Variants in GPC6 observed in about 807,000 individuals in gnomAD.
The protein encoded by GPC6 is glypican-6.
Under a neutral mutation model 55.2 loss-of-function variants are expected in GPC6, and 14 were observed. That is an observed-to-expected ratio of 0.25 (90% confidence interval 0.17 to 0.40). GPC6 has a LOEUF of 0.40. Ranked by LOEUF, GPC6 falls within the 10% of genes least tolerant of loss-of-function variation. The probability of loss-of-function intolerance (pLI) is 1.00; values close to 1 mark genes in which losing one functional copy is unlikely to be tolerated. For missense variants in GPC6, 641 were observed against 708.5 expected (o/e 0.90, Z 1.08); for synonymous variants, 278 against 259.6 (o/e 1.07, Z -0.68).
At chr13:93,597,894 C>G (rs557359737) in intron 2 of GPC6, among the ~76,000 whole-genome samples, 2 of 152,152 alleles carry the variant, frequency 1.3e-5, no homozygotes, top group African/African-American at 4.8e-5. Context: ...ACCTGTAATC[C>G]AAGCACTTTG....
At chr13:93,898,886 A>T (rs1278945845) in intron 3 of GPC6, among the ~76,000 whole-genome samples, 3 of 150,090 alleles carry the variant, frequency 2.0e-5, no homozygotes, top group African/African-American at 7.3e-5. Flanking sequence ...TGAACACTAC[A>T]CTTTAACATT....
chr13:94,143,951 C>T (rs576440205), intron 4 of GPC6, among the ~76,000 whole-genome samples: 4 of 152,224 alleles, frequency 2.6e-5, no homozygotes, highest in African/African-American at 9.6e-5. Context: ...TGGACATCAG[C>T]GATTGTCACG....
chr13:93,790,526 A>G (rs1447011942), intron 2 of GPC6, among the ~76,000 whole-genome samples: 1 of 152,146 alleles, frequency 6.6e-6, no homozygotes, highest in East Asian at 1.9e-4. Flanking sequence ...TTCAGAACCA[A>G]TTCTCTCTTT....
At chr13:93,356,620 G>A (rs78356756) in intron 1 of GPC6, among the ~76,000 whole-genome samples, 2 of 152,152 alleles carry the variant, frequency 1.3e-5, no homozygotes, top group Non-Finnish European at 2.9e-5. Context: ...GACTGAATGC[G>A]GTTGGTTATC....
At chr13:93,376,327 T>C (rs1421873300) in intron 1 of GPC6, among the ~76,000 whole-genome samples, 1 of 152,146 alleles carries the variant, frequency 6.6e-6, no homozygotes, top group Non-Finnish European at 1.5e-5. Flanking sequence ...TTAAAGCATA[T>C]AGTCATATAA....
chr13:93,935,562 T>C (rs1019312709), intron 3 of GPC6, among the ~76,000 whole-genome samples: 1 of 152,220 alleles, frequency 6.6e-6, no homozygotes, highest in Admixed American at 6.5e-5. Context: ...GATGAACATA[T>C]GAGTGCAGGA....
intron 4 of GPC6, among the ~76,000 whole-genome samples, chr13:94,200,507 A>G (rs576866546): frequency 1.3e-5 from 2 of 152,206 alleles, no homozygotes; most frequent in Non-Finnish European, 2.9e-5. Context: ...CTGTGTTGGA[A>G]GAAGAGGCTT....
chr13:94,222,646 A>G (rs1890420056), intron 4 of GPC6, among the ~76,000 whole-genome samples: 1 of 152,180 alleles, frequency 6.6e-6, no homozygotes, highest in South Asian at 2.1e-4. Context: ...TGTATGTCTC[A>G]CCTGTGCCTG....
At chr13:93,307,614 T>G (rs1878901809) in intron 1 of GPC6, among the ~76,000 whole-genome samples, 1 of 152,166 alleles carries the variant, frequency 6.6e-6, no homozygotes, top group African/African-American at 2.4e-5. Flanking sequence ...CAGTATGAGT[T>G]TACATATATG....
At position 93,546,858 on chromosome 13, in the gene GPC6, C is replaced by G. The variant is rs187530920; in HGVS notation, c.319+1437C>G. Among the ~76,000 whole-genome samples, 147 of 152,124 alleles carry G rather than the reference C, an allele frequency of 9.7e-4. 1 individual carries two copies. The highest frequency in any genetic ancestry group is 2.6e-3 in the African/African-American group (107 of 41,498). The stretch of plus-strand genomic sequence containing the variant: ...TTGTGTCTCTGGGAAAACAAACAAA[C>G]AAAGAAAGAAACAAGAAAGAAGCTC... On this transcript the variant is annotated intron_variant, in intron 2 of 8. Transcript: ENST00000377047.
At chr13:93,730,706 A>G (rs1883792631) in intron 2 of GPC6, among the ~76,000 whole-genome samples, 1 of 152,184 alleles carries the variant, frequency 6.6e-6, no homozygotes, top group Non-Finnish European at 1.5e-5. Context: ...ATTGCTCACT[A>G]GCTTTTCAGG....
At chr13:94,218,099 G>A (rs1890275736) in intron 4 of GPC6, among the ~76,000 whole-genome samples, 1 of 152,106 alleles carries the variant, frequency 6.6e-6, no homozygotes, top group Non-Finnish European at 1.5e-5. Flanking sequence ...CACATAAAAT[G>A]CTCTCATTTC....
intron 2 of GPC6, among the ~76,000 whole-genome samples, chr13:93,735,576 A>T (rs568283909): frequency 6.6e-6 from 1 of 152,100 alleles, no homozygotes; most frequent in Non-Finnish European, 1.5e-5. Flanking sequence ...ATGATGAGTA[A>T]GGGATGACAA....
chr13:93,415,952 C>T (rs765562285), intron 1 of GPC6, among the ~76,000 whole-genome samples: 3 of 152,064 alleles, frequency 2.0e-5, no homozygotes, highest in South Asian at 2.1e-4. Flanking sequence ...AGTTTATCAA[C>T]ATGACATTAA....
intron 4 of GPC6, among the ~76,000 whole-genome samples, chr13:94,116,440 T>G (rs1341800559): frequency 1.3e-5 from 2 of 152,084 alleles, no homozygotes; most frequent in African/African-American, 4.8e-5. Context: ...ACCTTACATA[T>G]TAACATTTCA....
At chr13:94,038,634 T>C (rs772902916) in intron 4 of GPC6, among the ~76,000 whole-genome samples, 21 of 151,914 alleles carry the variant, frequency 1.4e-4, no homozygotes, top group Non-Finnish European at 2.9e-4. Flanking sequence ...GAGATAATAG[T>C]ACGTACCTCT....
At chr13:94,187,969 C>T (rs1889259352) in intron 4 of GPC6, 1 of 152,166 alleles carries the variant, frequency 6.6e-6, no homozygotes, top group Non-Finnish European at 1.5e-5. Context: ...CTCTGCTGAG[C>T]TAAGTAATTG....
chr13:93,978,307 G>C (rs1301581832), intron 3 of GPC6, among the ~76,000 whole-genome samples: 2 of 152,176 alleles, frequency 1.3e-5, no homozygotes, highest in Admixed American at 1.3e-4. Flanking sequence ...AGATGAGATA[G>C]ATAATGAATT....
intron 2 of GPC6, among the ~76,000 whole-genome samples, chr13:93,632,636 T>TATAAAA (rs377056284): frequency 3.1e-5 from 4 of 128,296 alleles, no homozygotes; most frequent in South Asian, 2.6e-4. Flanking sequence ...TATATATATA[T>TATAAAA]AATAAAATAA....
Sources: allele counts gnomAD v4.1 joint callset (sites outside exome capture counted in the v4.1 genomes callset), GRCh38; gene constraint gnomAD v4.1.1; transcripts MANE v1.5; gene names NCBI Gene and HGNC (gene_info 2026-07-23, HGNC 2026-07-21).